Variants in COPE observed in about 807,000 individuals in gnomAD.
COPE encodes the protein coat protein complex I subunit epsilon, also known as coatomer subunit epsilon.
Under a neutral mutation model 42.1 loss-of-function variants are expected in COPE, and 19 were observed. The observed-to-expected ratio is 0.45, with a 90% CI of 0.31 to 0.66. The LOEUF (loss-of-function observed/expected upper bound fraction) is 0.66, where lower values mean the gene tolerates loss of function less well. Ranked by LOEUF, COPE falls within the 30% of genes least tolerant of loss-of-function variation. COPE has a pLI of 0.05. For missense variants in COPE, 402 were observed against 416.1 expected (o/e 0.97, Z 0.30); for synonymous variants, 195 against 181.3 (o/e 1.08, Z -0.60).
intron 3 of COPE, chr19:18,910,672 G>A (rs1172994154): frequency 2.3e-6 from 1 of 426,946 alleles, no homozygotes. Flanking sequence ...GCAGAGGGCT[G>A]CTCGGTAATT....
chr19:18,914,394 A>G (rs1165550831), intron 1 of COPE, among the ~76,000 whole-genome samples: 1 of 151,992 alleles, frequency 6.6e-6, no homozygotes, highest in Non-Finnish European at 1.5e-5. Context: ...TACAAAAATT[A>G]GCCAGGTGTG....
chr19:18,917,234 TTTTTTTC>T (rs1214075781), intron 1 of COPE, among the ~76,000 whole-genome samples: 12 of 122,762 alleles, frequency 9.8e-5, no homozygotes, highest in South Asian at 4.9e-4. Context: ...AGAAACATTC[TTTTTTTC>T]TTTTTTTTTT....
chr19:18,910,593 T>C (rs560954577), intron 3 of COPE: 3 of 209,170 alleles, frequency 1.4e-5, no homozygotes, highest in Non-Finnish European at 3.0e-5. Flanking sequence ...TCTAAATAAA[T>C]AAATAAGAAA....
intron 3 of COPE, among the ~76,000 whole-genome samples, chr19:18,908,593 TGCAAGCTCC>T (rs1258342688): frequency 6.6e-6 from 1 of 150,520 alleles, no homozygotes; most frequent in African/African-American, 2.4e-5. Context: ...CTTGGCTCAC[TGCAAGCTCC>T]GCCTCCCGGG....
At chr19:18,910,712 C>A (rs973941367) in intron 3 of COPE, 4 of 544,414 alleles carry the variant, frequency 7.3e-6, no homozygotes. Context: ...TCAGAGAGTG[C>A]CTTGTGGTCC....
intron 1 of COPE, 120 bp downstream of exon 1, chr19:18,919,103 G>T: frequency 4.0e-6 from 4 of 1,010,298 alleles, no homozygotes; most frequent in Non-Finnish European, 4.4e-6. Context: ...TGTGGAAGAG[G>T]TGGCCCAAAA....
intron 8 of COPE, 163 bp from the exon 9 acceptor site, chr19:18,900,110 G>A (rs1025579788): frequency 2.8e-5 from 18 of 637,140 alleles, no homozygotes; most frequent in Non-Finnish European, 4.5e-5. Context: ...GGGTGGGGGT[G>A]GAGGGATGGG....
At position 18,900,460 on chromosome 19, in the gene COPE, A is replaced by G; in HGVS notation, c.736-11T>C. On this transcript the variant is annotated splice_polypyrimidine_tract_variant and intron_variant, in intron 7 of 9. Coordinates refer to ENST00000262812, the MANE Select transcript of COPE (RefSeq NM_007263.4). Reference sequence around the variant, plus strand: ...TGGGTAGCCACTATCCTGGAGACACAGGCAGACACGGGGAGGCAGGGTCAG... The same window carrying G: ...TGGGTAGCCACTATCCTGGAGACACGGGCAGACACGGGGAGGCAGGGTCAG... 1 of 1,544,606 alleles carries G rather than the reference A, an allele frequency of 6.5e-7. No individual in the cohort carries two copies. Among genetic ancestry groups the G allele is most frequent in the Non-Finnish European group, 8.7e-7 (1 of 1,142,984 alleles).
Position 18,910,997 on chromosome 19 carries a change from A to G in COPE, c.264T>C (p.Ala88=). ...TCCGACTCTCGTGGGCGAGGTAGTCAGCAAACATGCGCACGGCCTGGAGCT... is the reference window on the plus strand; with the variant it reads ...TCCGACTCTCGTGGGCGAGGTAGTCGGCAAACATGCGCACGGCCTGGAGCT... ...APELQAVRMF[A]DYLAHESRRD... is the part of the protein sequence containing the mutation. The change falls in exon 3 of 10, where the codon GCT becomes GCC. Residue 88 remains alanine, a synonymous_variant. Coordinates refer to ENST00000262812, the MANE Select transcript of COPE (RefSeq NM_007263.4). 1 of 1,614,016 alleles carries G rather than the reference A, an allele frequency of 6.2e-7. No individual in the cohort carries two copies. The highest frequency in any genetic ancestry group is 8.5e-7 in the Non-Finnish European group (1 of 1,180,020).
rs2056859296 is a variant in COPE at position 18,916,981 on chromosome 19, C to T, written c.126+2242G>A. 3.4e-5 allele frequency among the ~76,000 whole-genome samples: 5 copies of T among 147,282 alleles called. No homozygotes were observed. In the South Asian group the frequency reaches 1.1e-3, roughly 31 times the overall value. ...AAAAAAAAAAAAAAGTATTCCTTCACAGTCACAGTCCTGGAGGCCAGAAGT... is the reference window on the plus strand; with the variant it reads ...AAAAAAAAAAAAAAGTATTCCTTCATAGTCACAGTCCTGGAGGCCAGAAGT... On this transcript the variant is annotated intron_variant, in intron 1 of 9. Transcript: ENST00000262812.
At chr19:18,908,010 C>G (rs1438536106) in intron 3 of COPE, among the ~76,000 whole-genome samples, 1 of 152,190 alleles carries the variant, frequency 6.6e-6, no homozygotes, top group Non-Finnish European at 1.5e-5. Context: ...AGGGATCATG[C>G]AGGGGAGGAG....
In COPE at chr19:18,919,360, C is replaced by T. The variant is rs937122778; in HGVS notation, c.-12G>A. The stretch of plus-strand genomic sequence containing the variant: ...GCCGGAGGCGCCATTTCGCTGTCTT[C>T]TCACCAGCTCCTCTTCCTGAAAGAC... On this transcript the variant is annotated 5_prime_UTR_variant, in exon 1 of 10. Transcript: ENST00000262812. 6 of 1,611,906 alleles carry T rather than the reference C, an allele frequency of 3.7e-6. No individual in the cohort carries two copies. The highest frequency in any genetic ancestry group is 2.2e-5 in the East Asian group (1 of 44,874).
At chr19:18,907,544 G>T (rs754121804) in intron 3 of COPE, among the ~76,000 whole-genome samples, 7 of 152,196 alleles carry the variant, frequency 4.6e-5, no homozygotes, top group Non-Finnish European at 8.8e-5. Flanking sequence ...CACCCCCACT[G>T]CCAGGGCAGC....
In COPE at chr19:18,916,286, G is replaced by A. The variant is rs1252835622; in HGVS notation, c.126+2937C>T. Among the ~76,000 whole-genome samples the A allele has an allele frequency of 2.6e-5, 4 of 152,034 alleles. No homozygotes were observed. The East Asian group carries it at 5.8e-4, about 22-fold the overall frequency. The stretch of plus-strand genomic sequence containing the variant: ...GAGAATGGTGTGAACCCAGGAGGCG[G>A]AGGATGCAGTGAGCTGAGATTGTGC... On this transcript the variant is annotated intron_variant, in intron 1 of 9. Coordinates refer to ENST00000262812, the MANE Select transcript of COPE (RefSeq NM_007263.4).
chr19:18,916,565 G>A (rs551377160), intron 1 of COPE, among the ~76,000 whole-genome samples: 3 of 151,804 alleles, frequency 2.0e-5, no homozygotes, highest in East Asian at 1.9e-4. Context: ...TGAGGCAGGC[G>A]GATCATGAGG....
In COPE at chr19:18,906,814, G is replaced by C. The variant is rs1056537672; in HGVS notation, c.443+146C>G. 22 of 952,646 alleles carry C rather than the reference G, an allele frequency of 2.3e-5. No individual in the cohort carries two copies. The Admixed American group carries it at 2.3e-4, about 10-fold the overall frequency. 59.0% of individuals were successfully genotyped at this position (952,646 alleles called of 1,614,324 possible). On this transcript the variant is annotated intron_variant, in intron 4 of 9. Coordinates refer to ENST00000262812, the MANE Select transcript of COPE (RefSeq NM_007263.4). The stretch of plus-strand genomic sequence containing the variant: ...CCTCCCACACTGGGCAGGGGAGCTG[G>C]AGCCTGGACAGCAGGCCAGGGCCTC...
chr19:18,913,079 T>C (rs528549603), intron 1 of COPE, 33 bp from the exon 2 acceptor site: 2 of 1,592,774 alleles, frequency 1.3e-6, no homozygotes, highest in African/African-American at 1.3e-5. Context: ...GGACGCACAG[T>C]GGGAGGCCCA....
At chr19:18,907,325 C>T (rs1008815115) in intron 3 of COPE, among the ~76,000 whole-genome samples, 2 of 152,092 alleles carry the variant, frequency 1.3e-5, no homozygotes, top group Non-Finnish European at 2.9e-5. Context: ...GACCCGAGGC[C>T]GGGAGATGTG....
chr19:18,905,926 A>G, intron 4 of COPE: 1 of 527,032 alleles, frequency 1.9e-6, no homozygotes, highest in Non-Finnish European at 3.3e-6. Flanking sequence ...CCCTGCCCGG[A>G]CTCGACACCC....
Sources: allele counts gnomAD v4.1 joint callset (sites outside exome capture counted in the v4.1 genomes callset), GRCh38; gene constraint gnomAD v4.1.1; transcripts MANE v1.5; gene names NCBI Gene and HGNC (gene_info 2026-07-23, HGNC 2026-07-21).